The following CPED1 variants were observed in gnomAD, a reference collection of about 807,000 sequenced individuals.
The protein encoded by CPED1 is cadherin-like and PC-esterase domain-containing protein 1.
A neutral mutation model predicts 128.2 loss-of-function variants in CPED1; 114 were observed. That is an observed-to-expected ratio of 0.89 (90% confidence interval 0.76 to 1.04). CPED1 has a LOEUF of 1.04. Ranked by LOEUF, CPED1 falls within the 50% of genes least tolerant of loss-of-function variation. The pLI, the probability that CPED1 is intolerant of heterozygous loss-of-function variation, is 0.00. For missense variants in CPED1, 1,211 were observed against 1,207.1 expected, an observed-to-expected ratio of 1.00 and a Z score of -0.05; for synonymous variants, 462 against 426.7, an observed-to-expected ratio of 1.08 and a Z score of -1.02.
chr7:121,261,847 A>T (rs903538980), intron 18 of CPED1: 30 of 862,228 alleles, frequency 3.5e-5, no homozygotes, highest in Non-Finnish European at 5.5e-5. Flanking sequence ...TATCTCACCT[A>T]ATACAGGGAC....
At chr7:121,006,631 T>A (rs1218288353) in intron 2 of CPED1, among the ~76,000 whole-genome samples, 1 of 151,870 alleles carries the variant, frequency 6.6e-6, no homozygotes, top group East Asian at 1.9e-4. Context: ...AAAAAAAAGG[T>A]GAACTACGTT....
In CPED1 at chr7:121,181,451, G is replaced by T. The variant is rs185023396; in HGVS notation, c.2055+39310G>T. Among the ~76,000 whole-genome samples the T allele has an allele frequency of 8.0e-4, 121 of 152,048 alleles. 1 individual carries two copies. The highest frequency in any genetic ancestry group is 1.3e-3 in the Non-Finnish European group (85 of 67,928). On this transcript the variant is annotated intron_variant, in intron 16 of 22. Transcript: ENST00000310396. ...TAGAATCTCAATTGTTTTTTGGATGGAATTAAAGATATTTGTTTGAAATAC... is the reference window on the plus strand; with the variant it reads ...TAGAATCTCAATTGTTTTTTGGATGTAATTAAAGATATTTGTTTGAAATAC...
At chr7:120,991,631 A>G (rs920988756) in intron 2 of CPED1, among the ~76,000 whole-genome samples, 2 of 152,192 alleles carry the variant, frequency 1.3e-5, no homozygotes, top group Non-Finnish European at 2.9e-5. Context: ...TAATTTAGGC[A>G]TATGTTAGCT....
Position 121,232,993 on chromosome 7 carries a change from A to G in CPED1, c.2056-3721A>G, listed in dbSNP as rs189932376. On this transcript the variant is annotated intron_variant, in intron 16 of 22. Transcript: ENST00000310396. ...AGAAATATTACTCATTCTTTTGTGGACAAATAATTCTGTAAGGAATGAAGT... is the reference window on the plus strand; with the variant it reads ...AGAAATATTACTCATTCTTTTGTGGGCAAATAATTCTGTAAGGAATGAAGT... Among the ~76,000 whole-genome samples, 8 of 152,214 alleles carry G rather than the reference A, an allele frequency of 5.3e-5. No individual in the cohort carries two copies. The East Asian group carries it at 1.6e-3, about 29-fold the overall frequency.
intron 3 of CPED1, among the ~76,000 whole-genome samples, chr7:121,037,123 G>C (rs1006411772): frequency 6.6e-6 from 1 of 152,114 alleles, no homozygotes; most frequent in African/African-American, 2.4e-5. Context: ...CTTTTGCTGT[G>C]CAGAAGCTTT....
intron 5 of CPED1, among the ~76,000 whole-genome samples, chr7:121,072,686 A>C (rs990785224): frequency 7.9e-5 from 12 of 152,200 alleles, no homozygotes; most frequent in African/African-American, 2.7e-4. Context: ...TTAATCTGTC[A>C]GTCAACCATA....
intron 21 of CPED1, among the ~76,000 whole-genome samples, chr7:121,269,548 T>G (rs1792194068): frequency 1.3e-5 from 2 of 152,128 alleles, no homozygotes; most frequent in African/African-American, 4.8e-5. Flanking sequence ...TAGTTCCATT[T>G]TTAGTTCTTT....
In CPED1 at chr7:121,040,705, C is replaced by T. The variant is rs570275408; in HGVS notation, c.434-6182C>T. On this transcript the variant is annotated intron_variant, in intron 3 of 22. Coordinates refer to ENST00000310396, the MANE Select transcript of CPED1 (RefSeq NM_024913.5). ...AATGAACAGTGAACAGATAAAATAT[C>T]CTCACATATTATATTATAAAGGAAT... 7.2e-5 allele frequency among the ~76,000 whole-genome samples: 11 copies of T among 151,782 alleles called. No individual in the cohort carries two copies. The South Asian group carries it at 2.3e-3, about 32-fold the overall frequency.
chr7:121,087,584 CA>C (rs1170360324), intron 5 of CPED1, among the ~76,000 whole-genome samples: 2 of 151,968 alleles, frequency 1.3e-5, no homozygotes, highest in Non-Finnish European at 2.9e-5. Flanking sequence ...AGCTTTTATT[CA>C]GCTTCCACTA....
At chr7:121,013,121 C>G (rs1197524857) in intron 2 of CPED1, among the ~76,000 whole-genome samples, 2 of 152,146 alleles carry the variant, frequency 1.3e-5, no homozygotes, top group African/African-American at 2.4e-5. Context: ...CATCTGTCTT[C>G]CCCTTTCACC....
chr7:121,172,066 G>T (rs536751284), intron 16 of CPED1, among the ~76,000 whole-genome samples: 1 of 152,222 alleles, frequency 6.6e-6, no homozygotes, highest in South Asian at 2.1e-4. Flanking sequence ...GAGCTGGAAG[G>T]CAGGAAAGGT....
intron 4 of CPED1, among the ~76,000 whole-genome samples, chr7:121,060,450 A>C (rs1793629902): frequency 6.6e-6 from 1 of 152,224 alleles, no homozygotes; most frequent in South Asian, 2.1e-4. Context: ...CAGGGATTGT[A>C]AATACACCAA....
chr7:121,051,372 T>TTC (rs1426109179), intron 4 of CPED1: 7 of 429,520 alleles, frequency 1.6e-5, no homozygotes, highest in Non-Finnish European at 3.0e-5. Flanking sequence ...GTAAATGCCT[T>TTC]TTTTTTTTTT....
chr7:121,052,233 C>G (rs1156662510), intron 4 of CPED1, among the ~76,000 whole-genome samples: 1 of 152,212 alleles, frequency 6.6e-6, no homozygotes, highest in Non-Finnish European at 1.5e-5. Context: ...TTGCATTCAT[C>G]AGTCCTATCT....
At chr7:121,055,272 A>C (rs908260765) in intron 4 of CPED1, among the ~76,000 whole-genome samples, 5 of 152,156 alleles carry the variant, frequency 3.3e-5, no homozygotes, top group Non-Finnish European at 7.4e-5. Context: ...TAAATTTAAA[A>C]ATTTTTAAAA....
chr7:121,063,010 A>G (rs1280579167), intron 4 of CPED1: 7 of 152,212 alleles, frequency 4.6e-5, no homozygotes. Flanking sequence ...TGTCTTCAGC[A>G]GCAGCATGAA....
chr7:120,996,366 A>G (rs1392199302), intron 2 of CPED1, among the ~76,000 whole-genome samples: 2 of 152,194 alleles, frequency 1.3e-5, no homozygotes, highest in Non-Finnish European at 2.9e-5. Flanking sequence ...TTAACCTCTT[A>G]ACCATTTGTG....
At position 121,050,613 on chromosome 7, in the gene CPED1, G is replaced by A. The variant is rs774241773; in HGVS notation, c.540+3620G>A. Reference sequence around the variant, plus strand: ...GGAGCAGCTGGGATTACAGGCGTCTGCCACCACACCCAGCTAATTTTTTGT... The same window carrying A: ...GGAGCAGCTGGGATTACAGGCGTCTACCACCACACCCAGCTAATTTTTTGT... On this transcript the variant is annotated intron_variant, in intron 4 of 22. Coordinates refer to ENST00000310396, the MANE Select transcript of CPED1 (RefSeq NM_024913.5). 8.4e-4 allele frequency among the ~76,000 whole-genome samples: 128 copies of A among 152,166 alleles called. 2 individuals are homozygous for A. Among genetic ancestry groups the A allele is most frequent in the Admixed American group, 3.9e-3 (59 of 15,280 alleles).
intron 4 of CPED1, among the ~76,000 whole-genome samples, chr7:121,061,653 A>C (rs182259838): frequency 1.3e-5 from 2 of 152,314 alleles, no homozygotes; most frequent in Non-Finnish European, 2.9e-5. Context: ...AATAATTGCA[A>C]TGTTAAGCTG....
Sources: gnomAD v4.1 joint callset for allele counts (sites outside exome capture counted in the v4.1 genomes callset) on GRCh38, gnomAD v4.1.1 for gene constraint, MANE v1.5 for transcripts, NCBI Gene and HGNC (gene_info 2026-07-23, HGNC 2026-07-21) for gene names.